Variants in ASPH observed in about 807,000 individuals in gnomAD.
ASPH encodes aspartate beta-hydroxylase.
A neutral mutation model predicts 118.4 loss-of-function variants in ASPH; 100 were observed. The ratio of observed to expected loss-of-function variants is 0.84; its 90% confidence interval spans 0.72 to 1.00. The LOEUF is 1.00. ASPH is among the 50% of genes least tolerant of loss of function. The pLI, the probability that ASPH is intolerant of heterozygous loss-of-function variation, is 0.00. For synonymous variants in ASPH, 315 were observed against 325.6 expected, an observed-to-expected ratio of 0.97 and a Z score of 0.35; for missense variants, 920 against 919.5, an observed-to-expected ratio of 1.00 and a Z score of -0.01.
chr8:61,553,015 T>G lies in ASPH; in HGVS notation c.1626+16A>C, dbSNP rs757021079. On this transcript the variant is annotated intron_variant, in intron 20 of 24. Transcript: ENST00000379454. ...ATCCTCTGTTAGAGAGAATCAGAAA[T>G]TCATATACCCATTACCTCTTTGTTC... The G allele has an allele frequency of 1.3e-6, 2 of 1,579,136 alleles. No individual in the cohort carries two copies. The highest frequency in any genetic ancestry group is 1.7e-6 in the Non-Finnish European group (2 of 1,149,160).
In ASPH at chr8:61,679,943, A is replaced by AAT. The variant is rs1412472121; in HGVS notation, c.322+1024_322+1025insAT. On this transcript the variant is annotated intron_variant, in intron 3 of 24. Transcript: ENST00000379454. ...ACACTAATTCCCAATGGGCAATAATAAAAAAAAAAAAAAAACAAAAAACAC... is the reference window on the plus strand; with the variant it reads ...ACACTAATTCCCAATGGGCAATAATAATAAAAAAAAAAAAAAACAAAAAACAC... Among the ~76,000 whole-genome samples the AAT allele has an allele frequency of 3.2e-3, 407 of 125,418 alleles. 7 individuals are homozygous for AAT. Among genetic ancestry groups the AAT allele is most frequent in the East Asian group, 9.4e-3 (42 of 4,446 alleles). 82.3% of individuals were successfully genotyped at this position (125,418 alleles called of 152,430 possible).
chr8:61,546,328 TTGAATTTGAAA>T (rs2130813064), intron 21 of ASPH, among the ~76,000 whole-genome samples: 1 of 152,320 alleles, frequency 6.6e-6, no homozygotes, highest in African/African-American at 2.4e-5. Flanking sequence ...TTTCCGTGTT[TTGAATTTGAAA>T]GGATCCCAAA....
chr8:61,594,147 A>T (rs995174073), intron 14 of ASPH, among the ~76,000 whole-genome samples: 1 of 152,208 alleles, frequency 6.6e-6, no homozygotes, highest in African/African-American at 2.4e-5. Flanking sequence ...AGTCCCCAAA[A>T]GCATCACTGC....
chr8:61,525,946 G>A (rs911355711), intron 22 of ASPH, 31 bp downstream of exon 22: 2 of 1,612,494 alleles, frequency 1.2e-6, no homozygotes, highest in African/African-American at 2.7e-5. Context: ...GGTTTGGGCT[G>A]CAGAGAACCA....
At chr8:61,532,238 A>AG (rs1310951195) in intron 21 of ASPH, among the ~76,000 whole-genome samples, 1 of 152,130 alleles carries the variant, frequency 6.6e-6, no homozygotes, top group African/African-American at 2.4e-5. Context: ...AACAGGTATG[A>AG]GGTGATATCT....
At chr8:61,680,337 C>G (rs1012761653) in intron 3 of ASPH, among the ~76,000 whole-genome samples, 5 of 151,752 alleles carry the variant, frequency 3.3e-5, no homozygotes, top group Non-Finnish European at 7.4e-5. Flanking sequence ...CCATTCTTTC[C>G]AGCAAGACAG....
intron 14 of ASPH, among the ~76,000 whole-genome samples, chr8:61,584,616 CTTCT>C (rs201876045): frequency 1.6e-4 from 23 of 143,950 alleles, no homozygotes; most frequent in South Asian, 4.4e-4. Context: ...CTTTCTTTTT[CTTCT>C]TTCTTTCTTT....
At chr8:61,578,760 G>A (rs1836273091) in intron 15 of ASPH, 1 of 1,593,586 alleles carries the variant, frequency 6.3e-7, no homozygotes, top group East Asian at 2.2e-5. Flanking sequence ...CAAGTATGAG[G>A]ATGAGATCAA....
At chr8:61,704,255 T>G (rs1836017910) in intron 1 of ASPH, among the ~76,000 whole-genome samples, 1 of 146,778 alleles carries the variant, frequency 6.8e-6, no homozygotes, top group Non-Finnish European at 1.5e-5. Context: ...AGAAACAGAT[T>G]TATACTTACA....
intron 14 of ASPH, among the ~76,000 whole-genome samples, chr8:61,603,523 T>C (rs1015170127): frequency 2.0e-5 from 3 of 152,200 alleles, no homozygotes; most frequent in Admixed American, 1.3e-4. Context: ...AAAAATCCTA[T>C]GTGGAATATG....
intron 10 of ASPH, 34 bp downstream of exon 10, chr8:61,642,854 A>G (rs1805885735): frequency 4.0e-6 from 6 of 1,515,018 alleles, no homozygotes; most frequent in Non-Finnish European, 5.3e-6. Flanking sequence ...TCAAAAAAAA[A>G]AAGAAAAAAA....
At chr8:61,539,962 C>T (rs867170957) in intron 21 of ASPH, among the ~76,000 whole-genome samples, 18 of 151,970 alleles carry the variant, frequency 1.2e-4, no homozygotes, top group Non-Finnish European at 2.2e-4. Flanking sequence ...TCTATTTTTA[C>T]CCTAGCAAAG....
chr8:61,665,945 A>C (rs567423244), intron 3 of ASPH, among the ~76,000 whole-genome samples: 1 of 152,338 alleles, frequency 6.6e-6, no homozygotes, highest in Non-Finnish European at 1.5e-5. Context: ...TGTAACTATA[A>C]TTAAAGGAAC....
chr8:61,584,270 G>A (rs1276402821), intron 14 of ASPH, among the ~76,000 whole-genome samples: 2 of 152,156 alleles, frequency 1.3e-5, no homozygotes, highest in Non-Finnish European at 2.9e-5. Flanking sequence ...GAGAGTGGGT[G>A]GATAGTATAC....
Position 61,646,872 on chromosome 8 carries a change from C to G in ASPH, c.497G>C (p.Gly166Ala). Residue 166 changes from glycine (G) to alanine (A), a missense_variant, in exon 6 of 25, where the codon GGA (glycine) becomes GCA (alanine). Coordinates refer to ENST00000379454, the MANE Select transcript of ASPH (RefSeq NM_004318.4). ...HEMVHAEHVE[G>A]EDLQQEDGPT... The stretch of plus-strand genomic sequence containing the variant: ...TCCATCTTCTTGTTGCAAGTCTTCT[C>G]CCTCAACTATGACAATGAACAAAGT... 1 of 1,613,830 alleles carries G rather than the reference C, an allele frequency of 6.2e-7. No individual in the cohort carries two copies. The highest frequency in any genetic ancestry group is 1.1e-5 in the South Asian group (1 of 91,046).
intron 13 of ASPH, among the ~76,000 whole-genome samples, chr8:61,623,178 G>A (rs1851581238): frequency 6.6e-6 from 1 of 152,200 alleles, no homozygotes; most frequent in African/African-American, 2.4e-5. Flanking sequence ...CACTAACAGT[G>A]CATGAGGGTT....
At chr8:61,684,219 G>A (rs1410648422) in intron 1 of ASPH, 31 bp from the exon 2 acceptor site, 1 of 1,582,464 alleles carries the variant, frequency 6.3e-7, no homozygotes. Flanking sequence ...GATATCATAA[G>A]AAGAAAACAT....
intron 14 of ASPH, among the ~76,000 whole-genome samples, chr8:61,604,600 T>C (rs1845036502): frequency 6.6e-6 from 1 of 152,238 alleles, no homozygotes; most frequent in African/African-American, 2.4e-5. Flanking sequence ...TCACAGATTA[T>C]TGTCAGCCCC....
In ASPH at chr8:61,684,915, A is replaced by C. The variant is rs371810827; in HGVS notation, c.104-727T>G. Among the ~76,000 whole-genome samples, 20 of 152,338 alleles carry C rather than the reference A, an allele frequency of 1.3e-4. No homozygotes were observed. In the South Asian group the frequency reaches 2.9e-3, roughly 22 times the overall value. The stretch of plus-strand genomic sequence containing the variant: ...AATAGTCAACACTGCCCTTAAAAAG[A>C]TATACAATATTCAAATTTCCCATAA... On this transcript the variant is annotated intron_variant, in intron 1 of 24. Transcript: ENST00000379454.
Sources: gnomAD v4.1 joint callset for allele counts (sites outside exome capture counted in the v4.1 genomes callset) on GRCh38, gnomAD v4.1.1 for gene constraint, MANE v1.5 for transcripts, NCBI Gene and HGNC (gene_info 2026-07-23, HGNC 2026-07-21) for gene names.